CHD6: variants seen among roughly 807,000 people sequenced by gnomAD.
CHD6 encodes the protein chromodomain helicase DNA binding protein 6, also known as ATP-dependent chromatin remodeler CHD6.
In CHD6, 50 loss-of-function variants were observed where a neutral mutation model predicts 276.9. The observed-to-expected ratio is 0.18, with a 90% confidence interval of 0.14 to 0.23. The LOEUF (loss-of-function observed/expected upper bound fraction) is 0.23. CHD6 is among the 10% of genes least tolerant of loss of function. The pLI is 1.00. For synonymous variants in CHD6, 1,173 were observed against 1,229.3 expected (o/e 0.95, Z 0.96); for missense variants, 2,564 against 3,365.8 (o/e 0.76, Z 5.89).
chr20:41,422,744 G>A (rs2047236719), intron 30 of CHD6, among the ~76,000 whole-genome samples: 1 of 152,152 alleles, frequency 6.6e-6, no homozygotes, highest in African/African-American at 2.4e-5. Flanking sequence ...ACAGAACCAG[G>A]ATTTAAATCC....
chr20:41,447,805 C>G (rs2048116401), intron 24 of CHD6, 77 bp downstream of exon 24: 1 of 1,038,020 alleles, frequency 9.6e-7, no homozygotes, highest in Non-Finnish European at 1.5e-6. Flanking sequence ...TAAGCACAGG[C>G]AAGTTTGGCC....
chr20:41,574,986 C>T (rs894600315), intron 1 of CHD6, among the ~76,000 whole-genome samples: 6 of 152,192 alleles, frequency 3.9e-5, no homozygotes, highest in African/African-American at 1.4e-4. Context: ...AGGAGTGTAA[C>T]TTTGTAACTT....
At chr20:41,551,906 T>C (rs115071029) in intron 1 of CHD6, among the ~76,000 whole-genome samples, 114 of 152,312 alleles carry the variant, frequency 7.5e-4, no homozygotes, top group African/African-American at 2.7e-3. Context: ...CATTGCAATA[T>C]TTCATACGAT....
chr20:41,421,918 C>G lies in CHD6; in HGVS notation c.4717G>C (p.Val1573Leu). 6.2e-7 allele frequency: 1 copy of G among 1,614,074 alleles called. No homozygotes were observed. The highest frequency in any genetic ancestry group is 1.3e-5 in the African/African-American group (1 of 75,054). ...QLCRPSLYLP[V>L]WWECGKHDRD... ...TCATGCTTCCCACACTCCCACCAGA[C>G]TGGGAGGTAGAGGCTGGGCCTGCAC... The change falls in exon 31 of 37, where the codon GTC becomes CTC. Residue 1573 changes from valine to leucine, a missense_variant. Val to Leu is a conservative substitution (Grantham distance 32, BLOSUM62 1). This residue lies in a region of CHD6 where 515 missense variants were observed against 739.5 expected (regional missense o/e 0.70). Transcript: ENST00000373233.
intron 1 of CHD6, among the ~76,000 whole-genome samples, chr20:41,584,270 A>T (rs1330879816): frequency 6.6e-6 from 1 of 152,172 alleles, no homozygotes; most frequent in Non-Finnish European, 1.5e-5. Flanking sequence ...TGATGAGTTA[A>T]TTCATCGAAA....
chr20:41,457,215 T>C, intron 18 of CHD6, 49 bp downstream of exon 18: 1 of 1,584,760 alleles, frequency 6.3e-7, no homozygotes, highest in Non-Finnish European at 8.6e-7. Context: ...CTGTCTGGGC[T>C]GTGCGACCAA....
At chr20:41,556,915 T>C (rs1377199323) in intron 1 of CHD6, among the ~76,000 whole-genome samples, 1 of 152,176 alleles carries the variant, frequency 6.6e-6, no homozygotes, top group African/African-American at 2.4e-5. Flanking sequence ...AAGGCTAAAT[T>C]TTATGTACTA....
chr20:41,526,979 A>G (rs1034896007), intron 3 of CHD6, among the ~76,000 whole-genome samples: 1 of 152,218 alleles, frequency 6.6e-6, no homozygotes, highest in African/African-American at 2.4e-5. Context: ...AAGTCTGAGG[A>G]CCAGAGATCC....
rs1172917486 is a variant in CHD6 at position 41,402,468 on chromosome 20, G to T, written c.*2125C>A. 1 of 231,020 alleles carries T rather than the reference G, an allele frequency of 4.3e-6. No homozygotes were observed. Among genetic ancestry groups the T allele is most frequent in the African/African-American group, 2.2e-5 (1 of 45,230 alleles). The allele number at this position is 231,020 out of a possible 1,614,324, so 14.3% of individuals were successfully genotyped here. A position where few individuals can be genotyped will look rare whatever the true frequency, so the allele number is the denominator to read the frequency against. On this transcript the variant is annotated 3_prime_UTR_variant, in exon 37 of 37. Transcript: ENST00000373233. ...ACATTGAACCCTGTGACCTACCGGA[G>T]GTTATAAGTGGAACCCGGGGAAAGC...
At chr20:41,466,303 A>ACAGT (rs2042918968) in intron 17 of CHD6, among the ~76,000 whole-genome samples, 3 of 152,218 alleles carry the variant, frequency 2.0e-5, no homozygotes, top group Admixed American at 2.0e-4. Flanking sequence ...ATGCTAGCAT[A>ACAGT]CAGTACAAAT....
rs191572525 is a variant in CHD6 at position 41,607,735 on chromosome 20, G to A, written c.-24+10605C>T. Among the ~76,000 whole-genome samples the A allele has an allele frequency of 1.2e-4, 17 of 145,642 alleles. No homozygotes were observed. In the East Asian group the frequency reaches 3.5e-3, roughly 30 times the overall value. On this transcript the variant is annotated intron_variant, in intron 1 of 36. Coordinates refer to ENST00000373233, the MANE Select transcript of CHD6 (RefSeq NM_032221.5). ...GGAGGGGCAGAAAACAATAAGCATG[G>A]GAAACAGTACAAAAGTAGACCATTC...
chr20:41,465,108 G>A (rs2042891763), intron 17 of CHD6, among the ~76,000 whole-genome samples: 1 of 152,060 alleles, frequency 6.6e-6, no homozygotes, highest in African/African-American at 2.4e-5. Context: ...TAAACACCAT[G>A]GTAATAATTT....
At chr20:41,617,205 C>G (rs1239359175) in intron 1 of CHD6, among the ~76,000 whole-genome samples, 1 of 152,106 alleles carries the variant, frequency 6.6e-6, no homozygotes, top group Non-Finnish European at 1.5e-5. Context: ...GAGAGATGCT[C>G]AGAGATGCCA....
chr20:41,540,914 C>A (rs939433675), intron 2 of CHD6, among the ~76,000 whole-genome samples: 25 of 151,802 alleles, frequency 1.6e-4, no homozygotes, highest in Non-Finnish European at 2.9e-4. Context: ...GACAACATTT[C>A]AGGTAGCTAA....
chr20:41,461,306 G>A (rs549658424), intron 17 of CHD6, among the ~76,000 whole-genome samples: 3 of 152,298 alleles, frequency 2.0e-5, no homozygotes, highest in East Asian at 3.9e-4. Context: ...GGCATGAAAT[G>A]TGAAGACATG....
At chr20:41,425,921 G>C (rs2047348350) in intron 28 of CHD6, among the ~76,000 whole-genome samples, 172 bp downstream of exon 28, 1 of 152,150 alleles carries the variant, frequency 6.6e-6, no homozygotes, top group Admixed American at 6.5e-5. Flanking sequence ...GAGGAAGCCA[G>C]AGCCATGCTG....
Position 41,567,156 on chromosome 20 carries a change from T to C in CHD6, c.-23-15796A>G, listed in dbSNP as rs546040327. ...CCCCAAGATAAGACTCTGTTGTTAA[T>C]TGACTGTACCCTGGTGTGATGCGCC... On this transcript the variant is annotated intron_variant, in intron 1 of 36. Transcript: ENST00000373233. Among the ~76,000 whole-genome samples, 30 of 152,292 alleles carry C rather than the reference T, an allele frequency of 2.0e-4. 1 individual carries two copies. The South Asian group carries it at 5.4e-3, about 27-fold the overall frequency.
rs777741378 is a variant in CHD6 at position 41,422,013 on chromosome 20, C to T, written c.4622G>A (p.Arg1541His). The T allele has an allele frequency of 6.8e-6, 11 of 1,613,908 alleles. No homozygotes were observed. The highest frequency in any genetic ancestry group is 1.6e-4 in the Middle Eastern group (1 of 6,084). Reference sequence around the variant, plus strand: ...TCGGACTTTCCGTAACAGTTCAATGCGGTACAGAGTTCTTGCAGCACGTTC... The same window carrying T: ...TCGGACTTTCCGTAACAGTTCAATGTGGTACAGAGTTCTTGCAGCACGTTC... ...TEERAARTLY[R>H]IELLRKVREQ... is the part of the protein sequence containing the mutation. Residue 1541 changes from arginine (R) to histidine (H), a missense_variant, in exon 31 of 37, where the codon CGC (arginine) becomes CAC (histidine). By Grantham distance (29) the Arg-to-His change is conservative. Coordinates refer to ENST00000373233, the MANE Select transcript of CHD6 (RefSeq NM_032221.5).
intron 17 of CHD6, among the ~76,000 whole-genome samples, chr20:41,462,110 T>C (rs1373898477): frequency 6.6e-6 from 1 of 152,162 alleles, no homozygotes; most frequent in Non-Finnish European, 1.5e-5. Flanking sequence ...AGTGGGCAAA[T>C]ATAGGAAGTG....
Sources: gnomAD v4.1 joint callset for allele counts (sites outside exome capture counted in the v4.1 genomes callset) on GRCh38, gnomAD v4.1.1 for gene constraint, gnomAD v4.1.1 regional missense constraint, MANE v1.5 for transcripts, NCBI Gene and HGNC (gene_info 2026-07-23, HGNC 2026-07-21) for gene names.